Variants in ZNF117 observed in about 807,000 individuals in gnomAD.
The protein encoded by ZNF117 is zinc finger protein 117, also known as Krueppel-related zinc finger protein.
A neutral mutation model predicts 41.2 loss-of-function variants in ZNF117; 37 were observed. That is an observed-to-expected ratio of 0.90 (90% CI 0.69 to 1.18). The LOEUF (loss-of-function observed/expected upper bound fraction) is 1.18. Ranked by LOEUF, ZNF117 falls within the 50% of genes most tolerant of loss-of-function variation. The pLI is 0.00. For synonymous variants in ZNF117, 186 were observed against 186.6 expected, an observed-to-expected ratio of 1.00 and a Z score of 0.02; for missense variants, 546 against 557.5, an observed-to-expected ratio of 0.98 and a Z score of 0.21.
intron 1 of ZNF117, among the ~76,000 whole-genome samples, chr7:64,988,466 A>G (rs1786181404): frequency 6.6e-6 from 1 of 152,154 alleles, no homozygotes; most frequent in Non-Finnish European, 1.5e-5. Flanking sequence ...AAAATAATGA[A>G]TTCTGTATGA....
intron 2 of ZNF117, 130 bp downstream of exon 3, chr7:64,981,257 A>T: frequency 8.2e-7 from 1 of 1,224,408 alleles, no homozygotes; most frequent in Non-Finnish European, 1.2e-6. Flanking sequence ...GAGAAAAATA[A>T]AAAAAAACTC....
chr7:64,974,355 C>T (rs1293671977), downstream of ZNF117: 1 of 151,724 alleles, frequency 6.6e-6, no homozygotes, highest in East Asian at 1.9e-4. Flanking sequence ...CAAGTAAAAA[C>T]ATAATTTGCA....
exon 3 of ZNF117, chr7:64,978,762 A>T (rs1487347820): frequency 1.2e-6 from 2 of 1,613,214 alleles, no homozygotes; most frequent in Non-Finnish European, 1.7e-6. Context: ...TCCAGTATGA[A>T]TGTACTTATG....
intron 1 of ZNF117, among the ~76,000 whole-genome samples, chr7:64,987,436 C>T (rs1786158007): frequency 6.6e-6 from 1 of 152,096 alleles, no homozygotes; most frequent in South Asian, 2.1e-4. Flanking sequence ...CAAAAAGTAA[C>T]TAATCTGATC....
intron 1 of ZNF117, among the ~76,000 whole-genome samples, chr7:64,989,178 C>T (rs954043973): frequency 3.3e-5 from 5 of 149,712 alleles, no homozygotes; most frequent in Admixed American, 6.7e-5. Flanking sequence ...TACACATATA[C>T]ACACACACAC....
At chr7:64,985,474 T>A (rs1786114938), upstream of ZNF117, among the ~76,000 whole-genome samples, 1 of 152,222 alleles carries the variant, frequency 6.6e-6, no homozygotes, top group South Asian at 2.1e-4. Context: ...CAAATCTGTG[T>A]CTACCTTAAA....
At chr7:64,984,832 C>T (rs1210607840), upstream of ZNF117, among the ~76,000 whole-genome samples, 2 of 152,034 alleles carry the variant, frequency 1.3e-5, no homozygotes, top group South Asian at 2.1e-4. Flanking sequence ...GCTCTATTGC[C>T]CAGGCTGGAG....
chr7:64,975,219 T>C (rs1418149139), exon 3 of ZNF117: 1 of 151,722 alleles, frequency 6.6e-6, no homozygotes, highest in Admixed American at 6.6e-5. Flanking sequence ...TCTTAACATG[T>C]TAAAAAAAAA....
chr7:64,989,498 TAA>T (rs1562649487), intron 1 of ZNF117, among the ~76,000 whole-genome samples: 12 of 76,824 alleles, frequency 1.6e-4, no homozygotes, highest in Admixed American at 3.0e-4. Flanking sequence ...TATATATATA[TAA>T]AACCTGAAAA....
At chr7:64,985,662 T>C (rs1786118638), upstream of ZNF117, among the ~76,000 whole-genome samples, 1 of 151,786 alleles carries the variant, frequency 6.6e-6, no homozygotes, top group Non-Finnish European at 1.5e-5. Flanking sequence ...AAAAATAAAT[T>C]AAGAAAATAT....
At chr7:64,984,894 G>A (rs1032244144), upstream of ZNF117, among the ~76,000 whole-genome samples, 1 of 152,098 alleles carries the variant, frequency 6.6e-6, no homozygotes. Flanking sequence ...AGGTTCAAGC[G>A]ATTCACATGC....
exon 3 of ZNF117, chr7:64,977,281 G>C (rs147067105): frequency 2.5e-6 from 1 of 399,480 alleles, no homozygotes; most frequent in Admixed American, 3.4e-5. Context: ...TTTGAAGATC[G>C]GTTAAAAACT....
At chr7:64,974,175 T>C (rs1187199514), downstream of ZNF117, 1 of 151,944 alleles carries the variant, frequency 6.6e-6, no homozygotes, top group East Asian at 1.9e-4. Flanking sequence ...TAACTAAATA[T>C]AATTAATACA....
At chr7:64,990,549 G>GC (rs1554299973) in exon 1 of ZNF117, 1 of 153,102 alleles carries the variant, frequency 6.5e-6, no homozygotes, top group Non-Finnish European at 1.5e-5. Flanking sequence ...TAATCATACC[G>GC]TGACAGGTTT....
At chr7:64,972,689 T>G (rs186552349), downstream of ZNF117, 38 of 152,110 alleles carry the variant, frequency 2.5e-4, 1 homozygote, top group Admixed American at 2.4e-3. Context: ...TACATAATTA[T>G]AGTTTAATAG....
exon 3 of ZNF117, chr7:64,974,770 C>T (rs1270030266): frequency 1.3e-5 from 2 of 151,708 alleles, no homozygotes; most frequent in African/African-American, 4.8e-5. Context: ...TTTTATTATA[C>T]CCATGAAAAT....
At chr7:64,978,709 G>C in exon 3 of ZNF117, 1 of 1,612,616 alleles carries the variant, frequency 6.2e-7, no homozygotes, top group Non-Finnish European at 8.5e-7. Context: ...GTTGAGGACT[G>C]GTTAAAGGCT....
At chr7:64,989,690 G>T (rs1203818270) in intron 1 of ZNF117, among the ~76,000 whole-genome samples, 1 of 150,958 alleles carries the variant, frequency 6.6e-6, no homozygotes, top group African/African-American at 2.4e-5. Context: ...CTACAGACTA[G>T]AAGAAAATAT....
At chr7:64,978,184 G>C (rs1299552467) in exon 3 of ZNF117, 2 of 1,612,576 alleles carry the variant, frequency 1.2e-6, no homozygotes, top group Non-Finnish European at 1.7e-6. Context: ...ATTATCTTAT[G>C]TGTAGTAAGT....
Sources: gnomAD v4.1 joint callset for allele counts (sites outside exome capture counted in the v4.1 genomes callset) on GRCh38, gnomAD v4.1.1 for gene constraint, MANE v1.5 for transcripts, NCBI Gene and HGNC (gene_info 2026-07-23, HGNC 2026-07-21) for gene names.